RANBP17: variants seen among roughly 807,000 people sequenced by gnomAD.
RANBP17 encodes ran-binding protein 17.
A neutral mutation model predicts 141.2 loss-of-function variants in RANBP17; 158 were observed. The ratio of observed to expected loss-of-function variants is 1.12; its 90% confidence interval spans 0.98 to 1.28. RANBP17 has a LOEUF of 1.28. Among genes scored for constraint, RANBP17 ranks in the 50% most tolerant of loss-of-function variants. The pLI is 0.00. For synonymous variants in RANBP17, 430 were observed against 450.0 expected (o/e 0.96, Z 0.56); for missense variants, 1,438 against 1,290.7 (o/e 1.11, Z -1.75).
At chr5:170,949,388 A>G (rs1479123244) in intron 12 of RANBP17, among the ~76,000 whole-genome samples, 1 of 152,192 alleles carries the variant, frequency 6.6e-6, no homozygotes, top group Non-Finnish European at 1.5e-5. Flanking sequence ...CCAGTAATGA[A>G]AAAGACAACC....
intron 14 of RANBP17, among the ~76,000 whole-genome samples, chr5:171,071,923 G>A (rs1222188848): frequency 6.6e-6 from 1 of 151,960 alleles, no homozygotes. Context: ...CTCTAAGAAA[G>A]GCACTGTTAA....
At chr5:171,095,589 A>G (rs1786630575) in intron 14 of RANBP17, among the ~76,000 whole-genome samples, 2 of 152,212 alleles carry the variant, frequency 1.3e-5, no homozygotes, top group African/African-American at 4.8e-5. Context: ...GAAATTCAGA[A>G]TGGTTATAGT....
intron 14 of RANBP17, among the ~76,000 whole-genome samples, chr5:171,162,558 G>T (rs1009940343): frequency 6.6e-6 from 1 of 152,048 alleles, no homozygotes. Context: ...AAAATTACCA[G>T]CCTTGCTGGT....
chr5:171,019,275 A>G (rs1265253728), intron 14 of RANBP17, among the ~76,000 whole-genome samples: 1 of 152,220 alleles, frequency 6.6e-6, no homozygotes, highest in African/African-American at 2.4e-5. Context: ...GCTGTATAAA[A>G]TAAGTTAGGA....
chr5:170,927,066 T>C (rs1439223640), intron 12 of RANBP17, among the ~76,000 whole-genome samples: 2 of 152,140 alleles, frequency 1.3e-5, no homozygotes, highest in Non-Finnish European at 2.9e-5. Flanking sequence ...TTAAAAGTAT[T>C]CCTGTACAGA....
intron 13 of RANBP17, among the ~76,000 whole-genome samples, chr5:170,955,681 T>TATATACAC (rs769742239): frequency 0.042 from 1,626 of 38,428 alleles, 304 homozygotes; most frequent in East Asian, 0.13. Context: ...TATATATATA[T>TATATACAC]ACACTGAATG....
At chr5:170,873,977 A>G (rs1767959904) in intron 1 of RANBP17, among the ~76,000 whole-genome samples, 1 of 152,160 alleles carries the variant, frequency 6.6e-6, no homozygotes, top group South Asian at 2.1e-4. Context: ...TGAAGTGGGC[A>G]TTTAGTGCTA....
At chr5:170,943,244 T>C (rs1774478136) in intron 12 of RANBP17, among the ~76,000 whole-genome samples, 1 of 152,184 alleles carries the variant, frequency 6.6e-6, no homozygotes, top group South Asian at 2.1e-4. Context: ...AAGAAAATTA[T>C]ATGCTCTTGT....
At chr5:170,880,787 A>C (rs373876484) in intron 2 of RANBP17, among the ~76,000 whole-genome samples, 37 of 152,314 alleles carry the variant, frequency 2.4e-4, no homozygotes, top group African/African-American at 8.2e-4. Flanking sequence ...TTTGAAGTCC[A>C]TTTTTATCTT....
chr5:170,931,885 T>C (rs112309951), intron 12 of RANBP17, among the ~76,000 whole-genome samples: 1 of 152,222 alleles, frequency 6.6e-6, no homozygotes, highest in Non-Finnish European at 1.5e-5. Flanking sequence ...GTCTTGGCAA[T>C]GCGGGCTCTT....
Position 170,988,287 on chromosome 5 carries a change from A to AT in RANBP17, c.1710+19922dup, listed in dbSNP as rs575208341. Reference sequence around the variant, plus strand: ...TCGAGTAATTATAGTTTGATGATTGATTTTTTTTTTTTAAGTAAGGGAGAG... The same window carrying AT: ...TCGAGTAATTATAGTTTGATGATTGATTTTTTTTTTTTTAAGTAAGGGAGAG... On this transcript the variant is annotated intron_variant, in intron 14 of 27. Coordinates refer to ENST00000523189, the MANE Select transcript of RANBP17 (RefSeq NM_022897.5). 1.5e-3 allele frequency among the ~76,000 whole-genome samples: 219 copies of AT among 143,998 alleles called. 1 individual carries two copies. The highest frequency in any genetic ancestry group is 0.015 in the South Asian group (69 of 4,540). 94.5% of individuals were successfully genotyped at this position (143,998 alleles called of 152,430 possible).
intron 18 of RANBP17, among the ~76,000 whole-genome samples, chr5:171,198,979 G>T (rs1762139618): frequency 6.6e-6 from 1 of 152,078 alleles, no homozygotes; most frequent in South Asian, 2.1e-4. Context: ...TGTGTGAAGT[G>T]AAGATTCTGC....
At chr5:170,876,888 A>G (rs1768224754) in intron 1 of RANBP17, among the ~76,000 whole-genome samples, 1 of 152,172 alleles carries the variant, frequency 6.6e-6, no homozygotes, top group African/African-American at 2.4e-5. Flanking sequence ...TTGTTTTCAT[A>G]TGCCTACCTG....
intron 19 of RANBP17, among the ~76,000 whole-genome samples, chr5:171,203,021 C>T (rs1476027438): frequency 2.6e-5 from 4 of 152,090 alleles, no homozygotes; most frequent in Non-Finnish European, 5.9e-5. Flanking sequence ...GACAACTGTT[C>T]ACCATGCAGC....
At chr5:170,887,542 A>G (rs955281785) in intron 3 of RANBP17, among the ~76,000 whole-genome samples, 2 of 152,142 alleles carry the variant, frequency 1.3e-5, no homozygotes, top group Non-Finnish European at 2.9e-5. Flanking sequence ...TGCTGAGAAG[A>G]CTTTTCTCAT....
At chr5:171,287,540 G>A (rs545361339) in intron 25 of RANBP17, among the ~76,000 whole-genome samples, 1 of 148,798 alleles carries the variant, frequency 6.7e-6, no homozygotes, top group East Asian at 2.0e-4. Flanking sequence ...ATTCTATGGT[G>A]CATACCCTAT....
intron 1 of RANBP17, among the ~76,000 whole-genome samples, chr5:170,866,237 G>A (rs2127302229): frequency 6.6e-6 from 1 of 151,030 alleles, no homozygotes; most frequent in East Asian, 1.9e-4. Flanking sequence ...CCTTTCAGAA[G>A]CAAAGGCCAG....
intron 25 of RANBP17, among the ~76,000 whole-genome samples, chr5:171,289,764 T>A (rs1403407810): frequency 6.6e-6 from 1 of 151,954 alleles, no homozygotes; most frequent in East Asian, 1.9e-4. Context: ...GTGCAGTGGC[T>A]CACGCCTGTA....
Position 171,293,948 on chromosome 5 carries a change from G to T in RANBP17, c.3009G>T (p.Arg1003Ser), listed in dbSNP as rs374592064. The T allele has an allele frequency of 1.3e-5, 21 of 1,613,750 alleles. No homozygotes were observed. The highest frequency in any genetic ancestry group is 1.5e-5 in the Non-Finnish European group (18 of 1,179,846). Residue 1003 changes from arginine (R) to serine (S), a missense_variant, in exon 26 of 28, where the codon AGG becomes AGT. Transcript: ENST00000523189. ...GTCGGAACCAGTGGTCAGTATCCAG[G>T]CCTCTCCTGGGGCTCATCCTGCTCA... ...EDCRNQWSVS[R>S]PLLGLILLNE...
Sources: allele counts gnomAD v4.1 joint callset (sites outside exome capture counted in the v4.1 genomes callset), GRCh38; gene constraint gnomAD v4.1.1; transcripts MANE v1.5; gene names NCBI Gene and HGNC (gene_info 2026-07-23, HGNC 2026-07-21).